DNAH14: variants seen among roughly 807,000 people sequenced by gnomAD.
The protein encoded by DNAH14 is axonemal beta dynein heavy chain 14.
A neutral mutation model predicts 520.9 loss-of-function variants in DNAH14; 478 were observed. The ratio of observed to expected loss-of-function variants is 0.92; its 90% CI spans 0.85 to 0.99. The LOEUF is 0.99. DNAH14 is among the 50% of genes least tolerant of loss of function. The pLI is 0.00. For synonymous variants in DNAH14, 1,581 were observed against 1,757.2 expected, an observed-to-expected ratio of 0.90 and a Z score of 2.51; for missense variants, 4,831 against 5,234.5, an observed-to-expected ratio of 0.92 and a Z score of 2.38.
At chr1:225,149,157 A>G (rs2080238571) in intron 31 of DNAH14, among the ~76,000 whole-genome samples, 1 of 151,998 alleles carries the variant, frequency 6.6e-6, no homozygotes, top group South Asian at 2.1e-4. Context: ...GCCCAGTTTC[A>G]ATCTTCTGCA....
At chr1:225,272,245 C>A (rs764384177) in intron 51 of DNAH14, among the ~76,000 whole-genome samples, 172 bp downstream of exon 51, 5 of 152,094 alleles carry the variant, frequency 3.3e-5, no homozygotes, top group Non-Finnish European at 7.4e-5. Context: ...AAAATAATTC[C>A]GTGCAAATAA....
chr1:225,364,964 C>A, intron 76 of DNAH14, 70 bp downstream of exon 76: 1 of 1,104,494 alleles, frequency 9.1e-7, no homozygotes, highest in Non-Finnish European at 1.3e-6. Flanking sequence ...ATCTTACATT[C>A]AAAACTCTGA....
At chr1:225,348,010 A>G (rs2095312754) in intron 71 of DNAH14, among the ~76,000 whole-genome samples, 1 of 152,192 alleles carries the variant, frequency 6.6e-6, no homozygotes, top group South Asian at 2.1e-4. Context: ...AAATGAGAAT[A>G]TCAGCAAAGA....
chr1:225,044,746 C>T (rs2501103), intron 15 of DNAH14, among the ~76,000 whole-genome samples: 129,554 of 152,140 alleles, frequency 0.85, 58,737 homozygotes, highest in Non-Finnish European at 1. Context: ...TGTTTTAAAA[C>T]CAAGAATTAT....
chr1:225,340,822 A>G, intron 69 of DNAH14, 121 bp downstream of exon 69: 1 of 1,211,602 alleles, frequency 8.3e-7, no homozygotes, highest in Non-Finnish European at 1.1e-6. Flanking sequence ...CAGGTAACTG[A>G]TAAAGGTAGG....
chr1:224,961,601 A>G (rs1017626268), intron 4 of DNAH14, among the ~76,000 whole-genome samples: 3 of 152,056 alleles, frequency 2.0e-5, no homozygotes, highest in African/African-American at 7.2e-5. Context: ...ATCAGATCTC[A>G]TGAAACTCAC....
rs1459759163 is a variant in DNAH14, at chr1:225,392,350, C to T, written c.13390C>T (p.Leu4464Phe). Residue 4464 changes from leucine (L) to phenylalanine (F), a missense_variant, in exon 84 of 86, where the codon CTC (leucine) becomes TTC (phenylalanine). By Grantham distance (22) the Leu-to-Phe change is conservative. Transcript: ENST00000682510. ...GRSRGIAVDA[L>F]TFTHHVISNT... ...GTCCCGAGGAATCGCTGTGGATGCC[C>T]TCACCTTCACCCACCATGTGATTTC... is the stretch of plus-strand genomic sequence containing the variant. The T allele has an allele frequency of 6.4e-7, 1 of 1,552,358 alleles. No individual in the cohort carries two copies. Among genetic ancestry groups the T allele is most frequent in the Admixed American group, 2.0e-5 (1 of 51,012 alleles).
At chr1:225,131,532 T>C (rs2078422217) in intron 27 of DNAH14, among the ~76,000 whole-genome samples, 1 of 152,234 alleles carries the variant, frequency 6.6e-6, no homozygotes, top group South Asian at 2.1e-4. Flanking sequence ...TGATTACATG[T>C]GTTTTCTGGA....
rs368625978 is a variant in DNAH14, at chr1:225,335,520, CAT to C, written c.10081-1740_10081-1739del. 1.8e-4 allele frequency among the ~76,000 whole-genome samples: 24 copies of C among 132,350 alleles called. 2 individuals carry two copies. Among genetic ancestry groups the C allele is most frequent in the South Asian group, 2.8e-4 (1 of 3,636 alleles). 86.8% of individuals were successfully genotyped at this position (132,350 alleles called of 152,430 possible). On this transcript the variant is annotated intron_variant, in intron 66 of 85. Coordinates refer to ENST00000682510, the MANE Select transcript of DNAH14 (RefSeq NM_001367479.1). Reference sequence around the variant, plus strand: ...GTACATGTACACATATACATATGTACATATATACATATGTACATATATACGTA... The same window carrying C: ...GTACATGTACACATATACATATGTACATATACATATGTACATATATACGTA...
At chr1:225,140,614 A>G (rs1028086357) in intron 27 of DNAH14, 154 bp from the exon 28 acceptor site, 3 of 601,402 alleles carry the variant, frequency 5.0e-6, no homozygotes, top group Non-Finnish European at 8.1e-6. Flanking sequence ...TTAGCCCTCA[A>G]ATACACACAA....
intron 71 of DNAH14, among the ~76,000 whole-genome samples, chr1:225,351,417 A>C (rs1272737689): frequency 6.6e-6 from 1 of 152,184 alleles, no homozygotes; most frequent in Non-Finnish European, 1.5e-5. Context: ...AAAGGTTTAC[A>C]TGATAAATTT....
At position 224,944,850 on chromosome 1, in the gene DNAH14, G is replaced by A. The variant is rs2059686066; in HGVS notation, c.-33-7820G>A. Among the ~76,000 whole-genome samples the A allele has an allele frequency of 2.0e-5, 3 of 152,218 alleles. No individual in the cohort carries two copies. The South Asian group carries it at 6.2e-4, about 32-fold the overall frequency. On this transcript the variant is annotated intron_variant, in intron 1 of 85. Coordinates refer to ENST00000682510, the MANE Select transcript of DNAH14 (RefSeq NM_001367479.1). ...CTCTCTTTTGGCTTGTAGAGTTTCT[G>A]CTGAGAGATCAGCTGTTAGTGTGAT...
In DNAH14 at chr1:225,334,262, G is replaced by A. The variant is rs149868557; in HGVS notation, c.10080+756G>A. On this transcript the variant is annotated intron_variant, in intron 66 of 85. Coordinates refer to ENST00000682510, the MANE Select transcript of DNAH14 (RefSeq NM_001367479.1). The stretch of plus-strand genomic sequence containing the variant: ...AAGACCAGCCTGGGCAACATAGTGA[G>A]GCTCTGTCTCTACAAAAAATAAAAA... Among the ~76,000 whole-genome samples the A allele has an allele frequency of 1.5e-3, 223 of 152,148 alleles. 3 individuals are homozygous for A. The East Asian group carries it at 0.037, about 26-fold the overall frequency.
chr1:224,991,409 A>G lies in DNAH14; in HGVS notation c.831-11374A>G, dbSNP rs1005762208. Among the ~76,000 whole-genome samples the G allele has an allele frequency of 3.8e-4, 58 of 151,332 alleles. 1 individual carries two copies. The highest frequency in any genetic ancestry group is 1.0e-4 in the Non-Finnish European group (7 of 67,806). The stretch of plus-strand genomic sequence containing the variant: ...CGCCCGGCTGAGCATTTTTCCATAC[A>G]TCTGTTGGCCATTTGTGTGTCTTCT... On this transcript the variant is annotated intron_variant, in intron 8 of 85. Transcript: ENST00000682510.
At chr1:225,333,162 G>T in intron 65 of DNAH14, 129 bp from the exon 66 acceptor site, 1 of 725,590 alleles carries the variant, frequency 1.4e-6, no homozygotes, top group Non-Finnish European at 2.1e-6. Flanking sequence ...TATTAACTTT[G>T]ATACAGCCAC....
intron 10 of DNAH14, among the ~76,000 whole-genome samples, chr1:225,013,775 A>T (rs780373807): frequency 1.8e-4 from 27 of 152,066 alleles, no homozygotes; most frequent in African/African-American, 6.5e-4. Context: ...TTGCCTACTC[A>T]AGCCTCAGTA....
chr1:224,964,162 C>T (rs929287335), intron 4 of DNAH14, among the ~76,000 whole-genome samples: 2 of 152,052 alleles, frequency 1.3e-5, no homozygotes, highest in East Asian at 3.9e-4. Flanking sequence ...TCCAACTGTC[C>T]CTACCCCAGC....
chr1:225,185,103 A>G (rs1332411162), intron 36 of DNAH14, among the ~76,000 whole-genome samples, 188 bp from the exon 37 acceptor site: 1 of 151,910 alleles, frequency 6.6e-6, no homozygotes, highest in Non-Finnish European at 1.5e-5. Context: ...AGGACACAAA[A>G]TCAATGTAAA....
At chr1:225,183,959 A>C (rs1434439896) in intron 36 of DNAH14, among the ~76,000 whole-genome samples, 1 of 152,114 alleles carries the variant, frequency 6.6e-6, no homozygotes, top group Non-Finnish European at 1.5e-5. Flanking sequence ...AAAACCCTGG[A>C]CCAGAAAGAT....
Sources: allele counts gnomAD v4.1 joint callset (sites outside exome capture counted in the v4.1 genomes callset), GRCh38; gene constraint gnomAD v4.1.1; transcripts MANE v1.5; gene names NCBI Gene and HGNC (gene_info 2026-07-23, HGNC 2026-07-21).